Variants in IAPP observed in about 807,000 individuals in gnomAD.
IAPP encodes islet amyloid polypeptide.
A neutral mutation model predicts 2.9 loss-of-function variants in IAPP; 4 were observed. The observed-to-expected ratio is 1.39, with a 90% CI of 0.69 to 3.19. The LOEUF is 3.19. Ranked by LOEUF, IAPP falls within the 30% of genes most tolerant of loss-of-function variation. The pLI, the probability that IAPP is intolerant of heterozygous loss-of-function variation, is 0.01. For synonymous variants in IAPP, 40 were observed against 42.1 expected (o/e 0.95, Z 0.19); for missense variants, 114 against 105.3 (o/e 1.08, Z -0.36).
chr12:21,375,754 G>C (rs536513571), intron 2 of IAPP, among the ~76,000 whole-genome samples: 1 of 152,312 alleles, frequency 6.6e-6, no homozygotes, highest in East Asian at 1.9e-4. Context: ...ATTTAAAAGA[G>C]AGGCAATTTA....
At chr12:21,367,456 A>G (rs1471065245) in intron 1 of IAPP, among the ~76,000 whole-genome samples, 3 of 152,188 alleles carry the variant, frequency 2.0e-5, no homozygotes, top group African/African-American at 4.8e-5. Flanking sequence ...AGGCTATAGG[A>G]GAAAGATTTC....
intron 1 of IAPP, among the ~76,000 whole-genome samples, chr12:21,359,733 C>A (rs990454208): frequency 6.9e-6 from 1 of 145,360 alleles, no homozygotes; most frequent in South Asian, 2.2e-4. Context: ...GGCGACAGAG[C>A]GAGACTCCGT....
At chr12:21,364,127 A>G (rs1939173053) in intron 1 of IAPP, among the ~76,000 whole-genome samples, 1 of 152,212 alleles carries the variant, frequency 6.6e-6, no homozygotes, top group Non-Finnish European at 1.5e-5. Context: ...TCCCTGATGA[A>G]CATCGATGCA....
intron 1 of IAPP, among the ~76,000 whole-genome samples, chr12:21,361,904 C>G (rs528851434): frequency 2.2e-4 from 34 of 152,066 alleles, no homozygotes; most frequent in Admixed American, 2.1e-3. Context: ...GTGAAAAGAC[C>G]AAATCTACGT....
chr12:21,360,745 C>T (rs940774292), intron 1 of IAPP, among the ~76,000 whole-genome samples: 7 of 152,214 alleles, frequency 4.6e-5, no homozygotes, highest in Admixed American at 1.3e-4. Flanking sequence ...TTATATCCCG[C>T]GGCTGGCTTG....
chr12:21,364,117 T>C (rs1393791212), intron 1 of IAPP, among the ~76,000 whole-genome samples: 1 of 151,968 alleles, frequency 6.6e-6, no homozygotes. Flanking sequence ...TAGACCAATA[T>C]CCCTGATGAA....
At chr12:21,366,635 G>C in intron 1 of IAPP, among the ~76,000 whole-genome samples, 1 of 151,946 alleles carries the variant, frequency 6.6e-6, no homozygotes, top group East Asian at 1.9e-4. Context: ...AACAGAAGGA[G>C]AATTTTGAAA....
chr12:21,374,981 T>C (rs1456701145), intron 2 of IAPP, among the ~76,000 whole-genome samples: 1 of 151,988 alleles, frequency 6.6e-6, no homozygotes, highest in Non-Finnish European at 1.5e-5. Context: ...ACCCAGCTAA[T>C]TGTTTTATCT....
At chr12:21,374,045 ATTC>A (rs751851816) in intron 2 of IAPP, among the ~76,000 whole-genome samples, 4 of 152,154 alleles carry the variant, frequency 2.6e-5, no homozygotes, top group African/African-American at 7.2e-5. Flanking sequence ...ATAAAAAGTT[ATTC>A]TTCTTATTAC....
At chr12:21,366,114 G>A (rs1011361657) in intron 1 of IAPP, among the ~76,000 whole-genome samples, 2 of 152,166 alleles carry the variant, frequency 1.3e-5, no homozygotes, top group Non-Finnish European at 2.9e-5. Context: ...GTTTATTGCA[G>A]CACTATTCAC....
At chr12:21,360,445 C>T (rs1400384082) in intron 1 of IAPP, among the ~76,000 whole-genome samples, 1 of 152,162 alleles carries the variant, frequency 6.6e-6, no homozygotes, top group African/African-American at 2.4e-5. Context: ...ACCAAGATGG[C>T]CGAATAGGAA....
At chr12:21,372,870 G>T (rs923538284), upstream of IAPP, 88 of 185,044 alleles carry the variant, frequency 4.8e-4, 1 homozygote, top group Non-Finnish European at 5.6e-5. Context: ...GGTGTGAGGG[G>T]TATATAAGAG....
At chr12:21,368,192 A>G (rs1939528575), upstream of IAPP, among the ~76,000 whole-genome samples, 1 of 152,130 alleles carries the variant, frequency 6.6e-6, no homozygotes, top group South Asian at 2.1e-4. Context: ...ATCACGTGAG[A>G]CATATTCTTA....
chr12:21,367,327 A>G (rs1355106392), intron 1 of IAPP, among the ~76,000 whole-genome samples: 1 of 152,170 alleles, frequency 6.6e-6, no homozygotes, highest in Admixed American at 6.5e-5. Flanking sequence ...AGAAAACTAG[A>G]ACAGTATTTT....
At position 21,373,774 on chromosome 12, in the gene IAPP, C is replaced by A; in HGVS notation, c.80+343C>A. ...ATATTAACCTGATACTGAAACAAAC[C>A]AGAGAAACTTAACTAAAGCATATAT... On this transcript the variant is annotated intron_variant, in intron 2 of 2. Transcript: ENST00000240652. 7.4e-6 allele frequency: 5 copies of A among 677,534 alleles called. No individual in the cohort carries two copies. In the South Asian group the frequency reaches 8.0e-5, roughly 11 times the overall value. 42.0% of individuals were successfully genotyped at this position (677,534 alleles called of 1,614,324 possible). A position where few individuals can be genotyped will look rare whatever the true frequency, so the allele number is the denominator to read the frequency against.
chr12:21,363,692 C>A (rs574178768), intron 1 of IAPP, among the ~76,000 whole-genome samples: 4 of 152,148 alleles, frequency 2.6e-5, no homozygotes, highest in African/African-American at 7.2e-5. Flanking sequence ...CAAACAGAAG[C>A]AATAAAAAAT....
chr12:21,373,774 C>G (rs1330487208), intron 2 of IAPP: 1 of 677,416 alleles, frequency 1.5e-6, no homozygotes, highest in Non-Finnish European at 2.7e-6. Context: ...TGAAACAAAC[C>G]AGAGAAACTT....
At chr12:21,358,771 G>A (rs1415877819) in intron 1 of IAPP, among the ~76,000 whole-genome samples, 1 of 151,822 alleles carries the variant, frequency 6.6e-6, no homozygotes, top group Non-Finnish European at 1.5e-5. Flanking sequence ...AAAATATAAA[G>A]ATGCAAACCA....
At chr12:21,360,561 G>A (rs2137045059) in intron 1 of IAPP, among the ~76,000 whole-genome samples, 1 of 152,298 alleles carries the variant, frequency 6.6e-6, no homozygotes, top group African/African-American at 2.4e-5. Context: ...CCAGACAAGT[G>A]GGTGCAGCCC....
Sources: allele counts gnomAD v4.1 joint callset (sites outside exome capture counted in the v4.1 genomes callset), GRCh38; gene constraint gnomAD v4.1.1; transcripts MANE v1.5; gene names NCBI Gene and HGNC (gene_info 2026-07-23, HGNC 2026-07-21).